TXK: variants seen among roughly 807,000 people sequenced by gnomAD.
The protein encoded by TXK is TXK tyrosine kinase, also known as tyrosine-protein kinase TXK.
TXK carries 60 observed loss-of-function variants against 81.0 expected under a neutral mutation model. The observed-to-expected ratio is 0.74, with a 90% CI of 0.60 to 0.92. The LOEUF (loss-of-function observed/expected upper bound fraction) is 0.92. TXK is among the 40% of genes least tolerant of loss of function. The pLI, the probability that TXK is intolerant of heterozygous loss-of-function variation, is 0.00. For synonymous variants in TXK, 203 were observed against 210.7 expected (o/e 0.96, Z 0.32); for missense variants, 581 against 638.3 (o/e 0.91, Z 0.97).
chr4:48,094,312 T>A, intron 7 of TXK, 108 bp from the exon 8 acceptor site: 1 of 1,241,108 alleles, frequency 8.1e-7, no homozygotes, highest in Non-Finnish European at 1.1e-6. Context: ...CTAGCAACAC[T>A]ACACTGAGAA....
chr4:48,070,436 C>A (rs151036259), intron 14 of TXK, among the ~76,000 whole-genome samples: 6 of 152,164 alleles, frequency 3.9e-5, no homozygotes, highest in African/African-American at 1.4e-4. Context: ...AAACCCATTA[C>A]TATTAGCGTT....
At chr4:48,121,088 T>C (rs1028732118) in intron 1 of TXK, among the ~76,000 whole-genome samples, 1 of 152,220 alleles carries the variant, frequency 6.6e-6, no homozygotes, top group Non-Finnish European at 1.5e-5. Flanking sequence ...TTTGATTTCT[T>C]CTTTTCTTTG....
chr4:48,094,507 T>C (rs972571175), intron 7 of TXK, among the ~76,000 whole-genome samples: 2 of 152,174 alleles, frequency 1.3e-5, no homozygotes, highest in African/African-American at 4.8e-5. Context: ...ATTGGTTAAA[T>C]GAATGAACAC....
intron 1 of TXK, among the ~76,000 whole-genome samples, chr4:48,126,293 TTTCTC>T (rs1719088626): frequency 6.6e-6 from 1 of 152,244 alleles, no homozygotes; most frequent in Admixed American, 6.5e-5. Context: ...GTAAATCTAT[TTTCTC>T]TTCCTTATGA....
At chr4:48,129,063 A>G (rs2109488793) in intron 1 of TXK, among the ~76,000 whole-genome samples, 1 of 152,254 alleles carries the variant, frequency 6.6e-6, no homozygotes, top group South Asian at 2.1e-4. Context: ...ACACCAAACC[A>G]AGACCCCACA....
chr4:48,100,432 TA>T (rs1317787616), intron 6 of TXK, among the ~76,000 whole-genome samples: 1 of 152,086 alleles, frequency 6.6e-6, no homozygotes, highest in East Asian at 1.9e-4. Flanking sequence ...TACAGACATA[TA>T]AAATTTAGCA....
chr4:48,111,584 T>C (rs946331135), intron 4 of TXK, among the ~76,000 whole-genome samples: 1 of 152,230 alleles, frequency 6.6e-6, no homozygotes, highest in African/African-American at 2.4e-5. Flanking sequence ...CTTTTTCCAC[T>C]GAAAAGTCTC....
intron 10 of TXK, among the ~76,000 whole-genome samples, chr4:48,086,057 G>GGCCAGA (rs1455283123): frequency 6.6e-6 from 1 of 152,130 alleles, no homozygotes; most frequent in Non-Finnish European, 1.5e-5. Context: ...ACTGTCGTGG[G>GGCCAGA]GCCAGAGCCC....
chr4:48,114,515 G>A (rs960310548), intron 1 of TXK, 113 bp from the exon 2 acceptor site: 81 of 1,123,976 alleles, frequency 7.2e-5, no homozygotes, highest in Non-Finnish European at 6.5e-5. Flanking sequence ...AGTCTCGATC[G>A]TGCCTTCCTT....
At chr4:48,094,272 A>C (rs889053952) in intron 7 of TXK, 68 bp from the exon 8 acceptor site, 1 of 1,562,874 alleles carries the variant, frequency 6.4e-7, no homozygotes, top group Non-Finnish European at 8.7e-7. Flanking sequence ...CAACTCATTA[A>C]ACAACAGGAC....
Position 48,067,371 on chromosome 4 carries a change from G to T in TXK, c.*266C>A. ...AGAGCACCACAATGAAGACTGCTGCGAAGTCTTTTTCACTTCTTCACATTT... is the reference window on the plus strand; with the variant it reads ...AGAGCACCACAATGAAGACTGCTGCTAAGTCTTTTTCACTTCTTCACATTT... On this transcript the variant is annotated 3_prime_UTR_variant, in exon 15 of 15. Transcript: ENST00000264316. 1 of 395,018 alleles carries T rather than the reference G, an allele frequency of 2.5e-6. No individual in the cohort carries two copies. Among genetic ancestry groups the T allele is most frequent in the Non-Finnish European group, 4.6e-6 (1 of 215,156 alleles). 24.5% of individuals were successfully genotyped at this position (395,018 alleles called of 1,614,324 possible). A position where few individuals can be genotyped will look rare whatever the true frequency, so the allele number is the denominator to read the frequency against.
intron 1 of TXK, among the ~76,000 whole-genome samples, chr4:48,131,953 A>G (rs1719256196): frequency 6.6e-6 from 1 of 150,738 alleles, no homozygotes. Flanking sequence ...TGCTTGGCCT[A>G]TATTTCTGTT....
chr4:48,070,893 C>CTTTTTTTTT (rs11309334), intron 14 of TXK, among the ~76,000 whole-genome samples: 17 of 84,328 alleles, frequency 2.0e-4, no homozygotes, highest in Non-Finnish European at 3.3e-4. Flanking sequence ...TCATTTAATT[C>CTTTTTTTTT]TTTTTTTTTT....
intron 10 of TXK, among the ~76,000 whole-genome samples, chr4:48,082,986 G>C (rs1717369433): frequency 6.6e-6 from 1 of 152,178 alleles, no homozygotes; most frequent in Non-Finnish European, 1.5e-5. Context: ...CTTCAAGTTT[G>C]TGTGTGACCT....
At chr4:48,097,843 G>C (rs1404677937) in intron 6 of TXK, among the ~76,000 whole-genome samples, 3 of 149,212 alleles carry the variant, frequency 2.0e-5, no homozygotes, top group Admixed American at 6.7e-5. Context: ...TGCCTCCTGG[G>C]TTCACGCCAT....
chr4:48,090,075 GAT>G (rs1388777300), intron 8 of TXK, among the ~76,000 whole-genome samples: 1 of 151,834 alleles, frequency 6.6e-6, no homozygotes, highest in African/African-American at 2.4e-5. Flanking sequence ...AGTATTCACA[GAT>G]AGATTGTTAT....
chr4:48,107,342 C>T (rs922642453), intron 5 of TXK, among the ~76,000 whole-genome samples: 1 of 151,482 alleles, frequency 6.6e-6, no homozygotes, highest in Non-Finnish European at 1.5e-5. Context: ...TCTGAAATAT[C>T]AGAACTCCAC....
rs915287796 is a variant in TXK at position 48,066,402 on chromosome 4, G to A, written c.*1235C>T. ...CTCCTCTTGTAACTGATTCTCATTA[G>A]AAATAATACACATTTATTGAATGTC... On this transcript the variant is annotated 3_prime_UTR_variant, in exon 15 of 15. Transcript: ENST00000264316. The A allele has an allele frequency of 3.3e-5, 5 of 152,218 alleles. No individual in the cohort carries two copies. Among genetic ancestry groups the A allele is most frequent in the Admixed American group, 6.5e-5 (1 of 15,278 alleles). The allele number at this position is 152,218 out of a possible 1,614,324, so 9.4% of individuals were successfully genotyped here.
chr4:48,101,765 A>C (rs1462197857), intron 6 of TXK, among the ~76,000 whole-genome samples: 2 of 151,768 alleles, frequency 1.3e-5, no homozygotes, highest in Non-Finnish European at 2.9e-5. Flanking sequence ...TCCATTAACT[A>C]CTTCAAGAGG....
Sources: allele counts gnomAD v4.1 joint callset (sites outside exome capture counted in the v4.1 genomes callset), GRCh38; gene constraint gnomAD v4.1.1; transcripts MANE v1.5; gene names NCBI Gene and HGNC (gene_info 2026-07-23, HGNC 2026-07-21).